The following EYS variants were observed in gnomAD, a reference collection of about 807,000 sequenced individuals.
EYS encodes EGF-like photoreceptor maintenance factor.
In EYS, 250 loss-of-function variants were observed where a neutral mutation model predicts 282.1. The ratio of observed to expected loss-of-function variants is 0.89; its 90% CI spans 0.80 to 0.98. The LOEUF is 0.98. EYS is among the 50% of genes least tolerant of loss of function. The probability of loss-of-function intolerance (pLI) is 0.00; values close to 1 mark genes in which losing one functional copy is unlikely to be tolerated. For synonymous variants in EYS, 1,355 were observed against 1,282.9 expected (o/e 1.06, Z -1.20); for missense variants, 4,016 against 3,709.0 (o/e 1.08, Z -2.15).
intron 15 of EYS, among the ~76,000 whole-genome samples, chr6:64,915,756 C>CT (rs1768140916): frequency 6.6e-6 from 1 of 152,094 alleles, no homozygotes; most frequent in Admixed American, 6.6e-5. Flanking sequence ...CAATTTGATA[C>CT]TTTCAATAAA....
intron 30 of EYS, among the ~76,000 whole-genome samples, chr6:64,244,065 A>T (rs1374560657): frequency 6.6e-6 from 1 of 152,188 alleles, no homozygotes; most frequent in Non-Finnish European, 1.5e-5. Context: ...TAGAAAATTC[A>T]GTTCCCCAAA....
At position 65,495,153 on chromosome 6, in the gene EYS, A is replaced by G. The variant is rs746887718; in HGVS notation, c.258T>C (p.Asp86=). The stretch of plus-strand genomic sequence containing the variant: ...ATGGTTCAGAAGAAATTACAAGGAT[A>G]TCTCCTAATTGAATTTGCAAAGGGC... ...QICPLQIQLG[D]ILVISSEPSL... Residue 86 remains aspartate (D), a synonymous_variant, in exon 4 of 43, where the codon GAT becomes GAC. Transcript: ENST00000503581. 3 of 1,613,924 alleles carry G rather than the reference A, an allele frequency of 1.9e-6. No homozygotes were observed. The highest frequency in any genetic ancestry group is 3.3e-5 in the Admixed American group (2 of 59,990).
intron 1 of EYS, among the ~76,000 whole-genome samples, chr6:65,705,918 T>C (rs1353296676): frequency 2.6e-5 from 4 of 152,002 alleles, no homozygotes; most frequent in Non-Finnish European, 5.9e-5. Flanking sequence ...CCACTAGTAA[T>C]ATTGTATTTC....
At chr6:65,320,451 G>A (rs1239244889) in intron 11 of EYS, among the ~76,000 whole-genome samples, 1 of 152,126 alleles carries the variant, frequency 6.6e-6, no homozygotes, top group African/African-American at 2.4e-5. Context: ...ATCAGTTGCA[G>A]CCCTGGGACT....
At chr6:65,229,135 C>T (rs558872838) in intron 12 of EYS, among the ~76,000 whole-genome samples, 8 of 151,974 alleles carry the variant, frequency 5.3e-5, no homozygotes, top group African/African-American at 1.4e-4. Flanking sequence ...GCCAAATAAA[C>T]AGAATTGACT....
chr6:64,896,897 C>T (rs761153279), intron 18 of EYS, among the ~76,000 whole-genome samples: 16 of 152,104 alleles, frequency 1.1e-4, no homozygotes, highest in Admixed American at 3.3e-4. Context: ...AGACAGACCG[C>T]CTCTCTAGAT....
chr6:65,389,586 C>G (rs535182670), intron 7 of EYS, among the ~76,000 whole-genome samples: 1 of 152,092 alleles, frequency 6.6e-6, no homozygotes, highest in African/African-American at 2.4e-5. Context: ...TGTTAACATT[C>G]CTAATGATAA....
intron 22 of EYS, among the ~76,000 whole-genome samples, chr6:64,642,605 C>G (rs1768195045): frequency 6.6e-6 from 1 of 152,318 alleles, no homozygotes; most frequent in South Asian, 2.1e-4. Context: ...TTGGAGAAAT[C>G]ATAAATGAAA....
intron 2 of EYS, among the ~76,000 whole-genome samples, chr6:65,605,812 G>A (rs1765767367): frequency 6.6e-6 from 1 of 151,684 alleles, no homozygotes; most frequent in South Asian, 2.1e-4. Context: ...ATATGTGTGT[G>A]TATGTGTGTA....
At chr6:64,489,342 G>A (rs1776667809) in intron 26 of EYS, among the ~76,000 whole-genome samples, 1 of 150,568 alleles carries the variant, frequency 6.6e-6, no homozygotes, top group South Asian at 2.1e-4. Flanking sequence ...CTAGTCTCTA[G>A]TGGTCAGACA....
chr6:65,271,080 G>A (rs552534648), intron 12 of EYS, among the ~76,000 whole-genome samples: 7 of 128,366 alleles, frequency 5.5e-5, no homozygotes, highest in East Asian at 2.4e-4. Flanking sequence ...CCACCGTCTC[G>A]ATACCAAAAT....
intron 31 of EYS, among the ~76,000 whole-genome samples, chr6:64,090,464 C>A (rs1772317002): frequency 1.3e-5 from 2 of 152,114 alleles, no homozygotes; most frequent in Admixed American, 1.3e-4. Flanking sequence ...ATTGATAATA[C>A]CTTTCTTGTT....
chr6:64,561,833 C>T (rs1222746438), intron 26 of EYS, among the ~76,000 whole-genome samples: 1 of 150,214 alleles, frequency 6.7e-6, no homozygotes, highest in Non-Finnish European at 1.5e-5. Flanking sequence ...GCTATAGTAC[C>T]CAAAGCAATT....
At chr6:64,954,435 T>C (rs914087016) in intron 14 of EYS, among the ~76,000 whole-genome samples, 22 of 152,140 alleles carry the variant, frequency 1.4e-4, no homozygotes, top group African/African-American at 5.3e-4. Flanking sequence ...ATTAGAGATA[T>C]AGTCTAATAC....
At chr6:65,691,739 A>T (rs1410801760) in intron 1 of EYS, among the ~76,000 whole-genome samples, 1 of 150,398 alleles carries the variant, frequency 6.6e-6, no homozygotes, top group African/African-American at 2.4e-5. Context: ...TTTTTAATCC[A>T]TCTTGAGTTA....
intron 28 of EYS, among the ~76,000 whole-genome samples, chr6:64,419,362 C>T (rs1273615469): frequency 6.6e-6 from 1 of 152,026 alleles, no homozygotes; most frequent in Non-Finnish European, 1.5e-5. Flanking sequence ...AGGACACAGC[C>T]AAATCATATC....
intron 29 of EYS, among the ~76,000 whole-genome samples, chr6:64,354,923 T>C (rs1922944): frequency 0.72 from 108,638 of 151,382 alleles, 39,184 homozygotes; most frequent in African/African-American, 0.79. Flanking sequence ...GTAGGAGCCC[T>C]TTTTCAAGAT....
At chr6:64,260,010 C>G (rs1767536096) in intron 30 of EYS, among the ~76,000 whole-genome samples, 2 of 151,936 alleles carry the variant, frequency 1.3e-5, no homozygotes, top group Admixed American at 6.6e-5. Context: ...ATTTAGCCAT[C>G]TGAAGTAAAG....
chr6:65,135,247 T>C (rs921983395), intron 12 of EYS, among the ~76,000 whole-genome samples: 4 of 152,094 alleles, frequency 2.6e-5, no homozygotes, highest in African/African-American at 9.7e-5. Flanking sequence ...CCTTTTTAAT[T>C]CTTAGAATAT....
Sources: allele counts gnomAD v4.1 joint callset (sites outside exome capture counted in the v4.1 genomes callset), GRCh38; gene constraint gnomAD v4.1.1; transcripts MANE v1.5; gene names NCBI Gene and HGNC (gene_info 2026-07-23, HGNC 2026-07-21).